The following GFM1 variants were observed in gnomAD, a reference collection of about 807,000 sequenced individuals.
GFM1 encodes the protein G elongation factor mitochondrial 1, also known as elongation factor G, mitochondrial.
A neutral mutation model predicts 96.2 loss-of-function variants in GFM1; 62 were observed. The ratio of observed to expected loss-of-function variants is 0.64; its 90% CI spans 0.53 to 0.80. The LOEUF is 0.80. Among genes scored for constraint, GFM1 ranks in the 30% least tolerant of loss-of-function variants. The probability of loss-of-function intolerance (pLI) is 0.00; values close to 1 mark genes in which losing one functional copy is unlikely to be tolerated. For missense variants in GFM1, 852 were observed against 916.6 expected (o/e 0.93, Z 0.91); for synonymous variants, 282 against 312.9 (o/e 0.90, Z 1.04).
chr3:158,669,290 G>A (rs1456001517), intron 13 of GFM1: 6 of 1,183,618 alleles, frequency 5.1e-6, no homozygotes, highest in South Asian at 4.7e-5. Context: ...CCTCTTTTTT[G>A]TTGGATTGGA....
chr3:158,665,499 T>C (rs973369555), intron 12 of GFM1, 25 bp downstream of exon 12: 4 of 1,582,962 alleles, frequency 2.5e-6, no homozygotes, highest in Admixed American at 1.7e-5. Flanking sequence ...GGAAGTTAAG[T>C]TGAAATCAAT....
chr3:158,690,450 C>T (rs949670065), intron 16 of GFM1, 127 bp downstream of exon 16: 12 of 862,758 alleles, frequency 1.4e-5, no homozygotes, highest in Admixed American at 5.8e-5. Context: ...GTGGCATTTT[C>T]TGTAATTTGC....
intron 8 of GFM1, chr3:158,656,342 A>G (rs4680451): frequency 0.57 from 94,611 of 164,592 alleles, 28,079 homozygotes; most frequent in African/African-American, 0.73. Flanking sequence ...TAGTAGAGAC[A>G]TAGTTTCTCC....
chr3:158,657,527 C>G (rs1178744044), intron 8 of GFM1: 2 of 152,114 alleles, frequency 1.3e-5, no homozygotes, highest in Non-Finnish European at 2.9e-5. Flanking sequence ...GCAATCAGTG[C>G]TTTAAAGTTT....
At chr3:158,672,291 TGA>T in intron 13 of GFM1, 1 of 1,597,752 alleles carries the variant, frequency 6.3e-7, no homozygotes. Context: ...AGACCGCGGG[TGA>T]GTGGAGGGAG....
At chr3:158,672,287 C>T (rs977405760) in intron 13 of GFM1, 2 of 1,593,906 alleles carry the variant, frequency 1.3e-6, no homozygotes, top group Non-Finnish European at 1.7e-6. Context: ...GCTGAGACCG[C>T]GGGTGAGTGG....
rs1721868248 is a variant in GFM1 at position 158,646,935 on chromosome 3, T to A, written c.560T>A (p.Leu187Gln). ...DRMGSNPARALQQMRSKLNHN... is the reference protein window; with the variant it reads ...DRMGSNPARAQQQMRSKLNHN... ...ATGGGCTCCAACCCAGCCAGGGCCCTGCAGCAAATGAGGTAATGAGCCTTA... is the reference window on the plus strand; with the variant it reads ...ATGGGCTCCAACCCAGCCAGGGCCCAGCAGCAAATGAGGTAATGAGCCTTA... Residue 187 changes from leucine (L) to glutamine (Q), a missense_variant, in exon 4 of 18, where the codon CTG (leucine) becomes CAG (glutamine). By Grantham distance (113) the Leu-to-Gln change is moderately radical. Transcript: ENST00000486715. The A allele has an allele frequency of 1.2e-6, 2 of 1,613,706 alleles. No individual in the cohort carries two copies. The highest frequency in any genetic ancestry group is 1.1e-5 in the South Asian group (1 of 91,080).
At position 158,693,852 on chromosome 3, in the gene GFM1, C is replaced by T. The variant is rs1726455373; in HGVS notation, c.*2385C>T. On this transcript the variant is annotated 3_prime_UTR_variant, in exon 18 of 18. Transcript: ENST00000486715. The stretch of plus-strand genomic sequence containing the variant: ...TTATTTGGCTGGATCAAGATAAAAA[C>T]TTTTTTGGGTGATTCTAATATGCAG... The T allele has an allele frequency of 1.3e-5, 2 of 152,144 alleles. No homozygotes were observed. The highest frequency in any genetic ancestry group is 2.1e-4 in the South Asian group (1 of 4,824). The allele number at this position is 152,144 out of a possible 1,614,324, so 9.4% of individuals were successfully genotyped here. A position where few individuals can be genotyped will look rare whatever the true frequency, so the allele number is the denominator to read the frequency against.
intron 17 of GFM1, 35 bp from the exon 18 acceptor site, chr3:158,691,301 A>G (rs758426096): frequency 6.8e-5 from 108 of 1,582,798 alleles, no homozygotes; most frequent in Non-Finnish European, 8.6e-5. Flanking sequence ...ACAAACAAAC[A>G]AACAAAAAAC....
chr3:158,664,562 T>G (rs1174396647), intron 11 of GFM1, among the ~76,000 whole-genome samples: 1 of 152,176 alleles, frequency 6.6e-6, no homozygotes, highest in East Asian at 1.9e-4. Context: ...TTAAGTCCCT[T>G]TCTTGCTTCA....
chr3:158,692,692 T>G lies in GFM1; in HGVS notation c.*1225T>G, dbSNP rs1726406890. ...GGCATTTGCTAAATACTTTTTTTTT[T>G]TTAATTTTTATTTTTTTGTGGTAGG... On this transcript the variant is annotated 3_prime_UTR_variant, in exon 18 of 18. Transcript: ENST00000486715. 6.6e-6 allele frequency: 1 copy of G among 152,134 alleles called. No individual in the cohort carries two copies. Among genetic ancestry groups the G allele is most frequent in the East Asian group, 1.9e-4 (1 of 5,198 alleles). The allele number at this position is 152,134 out of a possible 1,614,324, so 9.4% of individuals were successfully genotyped here. A position where few individuals can be genotyped will look rare whatever the true frequency, so the allele number is the denominator to read the frequency against.
chr3:158,685,797 T>C (rs1326731930), intron 15 of GFM1, among the ~76,000 whole-genome samples: 1 of 152,186 alleles, frequency 6.6e-6, no homozygotes, highest in East Asian at 1.9e-4. Context: ...AATGAGACTT[T>C]ATTAGGCATC....
intron 13 of GFM1, chr3:158,669,334 T>C: frequency 1.3e-5 from 17 of 1,319,710 alleles, no homozygotes; most frequent in Non-Finnish European, 1.0e-6. Context: ...AGCCTGTAAG[T>C]TTCTAACATA....
intron 14 of GFM1, 97 bp downstream of exon 14, chr3:158,682,254 A>G (rs1725460953): frequency 1.0e-6 from 1 of 990,238 alleles, no homozygotes; most frequent in African/African-American, 1.6e-5. Context: ...TGTCTATCAC[A>G]GTTTGTTTTA....
rs561173500 is a variant in GFM1 at position 158,688,425 on chromosome 3, A to G, written c.1910-1738A>G. 2.6e-5 allele frequency among the ~76,000 whole-genome samples: 4 copies of G among 152,302 alleles called. No individual in the cohort carries two copies. The South Asian group carries it at 8.3e-4, about 32-fold the overall frequency. On this transcript the variant is annotated intron_variant, in intron 15 of 17. Coordinates refer to ENST00000486715, the MANE Select transcript of GFM1 (RefSeq NM_024996.7). ...GCAGGGTAAGGGGATGTGAAACAGA[A>G]CCAGAAAGGCTGTCCTCAGTAATTG...
chr3:158,655,438 C>T (rs1015154404), intron 8 of GFM1, among the ~76,000 whole-genome samples: 1 of 150,050 alleles, frequency 6.7e-6, no homozygotes, highest in African/African-American at 2.5e-5. Flanking sequence ...GAGCCGAGAT[C>T]GCACCACTGC....
At chr3:158,689,107 A>G (rs781332375) in intron 15 of GFM1, among the ~76,000 whole-genome samples, 4 of 152,222 alleles carry the variant, frequency 2.6e-5, no homozygotes, top group Non-Finnish European at 4.4e-5. Context: ...ATTTGTCACT[A>G]TCACAACTTC....
intron 1 of GFM1, 27 bp from the exon 2 acceptor site, chr3:158,645,602 A>G (rs774704183): frequency 3.0e-5 from 47 of 1,589,818 alleles, no homozygotes; most frequent in Non-Finnish European, 4.0e-5. Flanking sequence ...AAAGGTGCAT[A>G]GAATTGAGCT....
At chr3:158,667,395 T>A (rs1723813579) in intron 13 of GFM1, among the ~76,000 whole-genome samples, 1 of 152,244 alleles carries the variant, frequency 6.6e-6, no homozygotes, top group Non-Finnish European at 1.5e-5. Context: ...GCTCTGTGTT[T>A]CCATTGTACA....
Sources: allele counts gnomAD v4.1 joint callset (sites outside exome capture counted in the v4.1 genomes callset), GRCh38; gene constraint gnomAD v4.1.1; transcripts MANE v1.5; gene names NCBI Gene and HGNC (gene_info 2026-07-23, HGNC 2026-07-21).